JAM3: variants seen among roughly 807,000 people sequenced by gnomAD.
The protein encoded by JAM3 is junctional adhesion molecule 3, also known as junctional adhesion molecule C.
A neutral mutation model predicts 39.4 loss-of-function variants in JAM3; 31 were observed. The ratio of observed to expected loss-of-function variants is 0.79; its 90% CI spans 0.59 to 1.06. The LOEUF is 1.06. Ranked by LOEUF, JAM3 falls within the 50% of genes least tolerant of loss-of-function variation. JAM3 has a pLI of 0.00. For missense variants in JAM3, 455 were observed against 391.4 expected, an observed-to-expected ratio of 1.16 and a Z score of -1.37; for synonymous variants, 182 against 148.7, an observed-to-expected ratio of 1.22 and a Z score of -1.63.
At chr11:134,141,787 T>C (rs550762712) in intron 3 of JAM3, among the ~76,000 whole-genome samples, 1 of 152,134 alleles carries the variant, frequency 6.6e-6, no homozygotes, top group South Asian at 2.1e-4. Flanking sequence ...GGCAGGTGGC[T>C]GGAGAGGAGG....
intron 1 of JAM3, among the ~76,000 whole-genome samples, chr11:134,091,137 A>G (rs768640711): frequency 1.3e-5 from 2 of 152,170 alleles, no homozygotes; most frequent in Non-Finnish European, 2.9e-5. Flanking sequence ...GAACTGAACC[A>G]CAGTTAAAAG....
chr11:134,083,284 C>T (rs116091308), intron 1 of JAM3, among the ~76,000 whole-genome samples: 1 of 152,204 alleles, frequency 6.6e-6, no homozygotes, highest in East Asian at 1.9e-4. Context: ...TACAGCAGAT[C>T]GCTCCCTCCC....
chr11:134,093,861 A>C (rs1280813168), intron 1 of JAM3, among the ~76,000 whole-genome samples: 1 of 106,906 alleles, frequency 9.4e-6, no homozygotes, highest in Non-Finnish European at 1.8e-5. Context: ...TCACTTCCTG[A>C]GGGAAGCTTC....
chr11:134,122,228 A>C (rs773077584), intron 1 of JAM3, among the ~76,000 whole-genome samples: 1 of 152,170 alleles, frequency 6.6e-6, no homozygotes, highest in Non-Finnish European at 1.5e-5. Flanking sequence ...GTCTGTTCCT[A>C]CTGGCCTAGC....
chr11:134,128,054 G>A (rs1181080300), intron 1 of JAM3, among the ~76,000 whole-genome samples: 1 of 151,966 alleles, frequency 6.6e-6, no homozygotes, highest in African/African-American at 2.4e-5. Context: ...AGTCTTTGGG[G>A]TGTTGCTTAC....
At chr11:134,128,459 C>T (rs566666685) in intron 1 of JAM3, among the ~76,000 whole-genome samples, 2 of 152,200 alleles carry the variant, frequency 1.3e-5, no homozygotes, top group South Asian at 4.2e-4. Context: ...GCGGTGTGTT[C>T]CACCCAAATC....
chr11:134,133,459 A>G (rs1361127594), intron 1 of JAM3, among the ~76,000 whole-genome samples: 1 of 152,180 alleles, frequency 6.6e-6, no homozygotes, highest in Non-Finnish European at 1.5e-5. Context: ...TCATCTATAG[A>G]AAGTTCTTTC....
At chr11:134,112,322 A>G (rs1173803895) in intron 1 of JAM3, among the ~76,000 whole-genome samples, 2 of 152,102 alleles carry the variant, frequency 1.3e-5, no homozygotes, top group African/African-American at 4.8e-5. Flanking sequence ...TCCTGACCTC[A>G]GGTGATCCAC....
chr11:134,145,752 A>G (rs1943059101), intron 5 of JAM3, among the ~76,000 whole-genome samples, 194 bp from the exon 6 acceptor site: 1 of 152,192 alleles, frequency 6.6e-6, no homozygotes, highest in Admixed American at 6.5e-5. Flanking sequence ...TGGTGTCTCC[A>G]GTCCCAAGGG....
At chr11:134,089,879 G>A (rs1439002835) in intron 1 of JAM3, among the ~76,000 whole-genome samples, 7 of 152,074 alleles carry the variant, frequency 4.6e-5, no homozygotes, top group Non-Finnish European at 2.9e-5. Context: ...CTGAGGAATC[G>A]CCACACTGAC....
At chr11:134,134,912 A>G (rs551459864) in intron 1 of JAM3, among the ~76,000 whole-genome samples, 19 of 152,148 alleles carry the variant, frequency 1.2e-4, no homozygotes, top group Admixed American at 3.3e-4. Context: ...CCCTTATCAT[A>G]TATATATGCT....
chr11:134,110,996 TTCTCTCTC>T (rs1393935061), intron 1 of JAM3, among the ~76,000 whole-genome samples: 3 of 152,024 alleles, frequency 2.0e-5, no homozygotes. Context: ...TATGGAGGTA[TTCTCTCTC>T]TCCCTCTGTG....
At chr11:134,139,549 G>T (rs1318936529) in intron 1 of JAM3, 4 of 385,900 alleles carry the variant, frequency 1.0e-5, no homozygotes, top group Non-Finnish European at 2.0e-5. Flanking sequence ...GAGAGGTGTC[G>T]AAGGGTCAAT....
chr11:134,145,519 T>C (rs1326784792), intron 5 of JAM3: 1 of 322,926 alleles, frequency 3.1e-6, no homozygotes, highest in Non-Finnish European at 5.9e-6. Context: ...CAAAGTGACC[T>C]GGCCAGCAAA....
intron 3 of JAM3, 106 bp downstream of exon 3, chr11:134,140,876 G>T (rs1290876902): frequency 2.2e-6 from 3 of 1,391,690 alleles, no homozygotes; most frequent in Non-Finnish European, 2.9e-6. Flanking sequence ...TGCATCTGTA[G>T]CTAGGACCGT....
In JAM3 at chr11:134,138,353, A is replaced by T. The variant is rs539844790; in HGVS notation, c.77-1498A>T. Among the ~76,000 whole-genome samples the T allele has an allele frequency of 2.1e-5, 3 of 145,124 alleles. No individual in the cohort carries two copies. The South Asian group carries it at 6.6e-4, about 32-fold the overall frequency. On this transcript the variant is annotated intron_variant, in intron 1 of 8. Transcript: ENST00000299106. ...AAGTCGTGGTGCTCATGCTGAGAGA[A>T]ATGTTTATGGCCACTAGTCCCTTAG...
chr11:134,103,535 G>C (rs1334191709), intron 1 of JAM3, among the ~76,000 whole-genome samples: 1 of 151,632 alleles, frequency 6.6e-6, no homozygotes, highest in African/African-American at 2.4e-5. Context: ...ATGTAAATGG[G>C]CTAAATGCTC....
intron 1 of JAM3, chr11:134,124,376 T>A (rs1942600466): frequency 4.6e-6 from 3 of 658,978 alleles, no homozygotes; most frequent in Admixed American, 2.6e-5. Context: ...ATGGGAAAAG[T>A]GAAAGAAATC....
chr11:134,148,921 G>A lies in JAM3; in HGVS notation c.897+103G>A, dbSNP rs536304615. On this transcript the variant is annotated intron_variant, in intron 8 of 8. Transcript: ENST00000299106. ...CTCCTGGGAAGATTTCTGAGTGATT[G>A]TGCAGCTCCTGAGCTCCTCAGCCCC... 60 of 1,216,560 alleles carry A rather than the reference G, an allele frequency of 4.9e-5. No individual in the cohort carries two copies. The East Asian group carries it at 1.4e-3, about 28-fold the overall frequency. 75.4% of individuals were successfully genotyped at this position (1,216,560 alleles called of 1,614,324 possible).
Sources: allele counts gnomAD v4.1 joint callset (sites outside exome capture counted in the v4.1 genomes callset), GRCh38; gene constraint gnomAD v4.1.1; transcripts MANE v1.5; gene names NCBI Gene and HGNC (gene_info 2026-07-23, HGNC 2026-07-21).